Variants in PPP3R1 observed in about 807,000 individuals in gnomAD.
PPP3R1 encodes protein phosphatase 3 regulatory subunit B, alpha, also known as calcineurin subunit B type 1.
Under a neutral mutation model 22.6 loss-of-function variants are expected in PPP3R1, and 5 were observed. The observed-to-expected ratio is 0.22, with a 90% CI of 0.12 to 0.46. The LOEUF is 0.46. PPP3R1 is among the 20% of genes least tolerant of loss of function. PPP3R1 has a pLI of 0.99. For missense variants in PPP3R1, 61 were observed against 203.2 expected, an observed-to-expected ratio of 0.30 and a Z score of 4.25; for synonymous variants, 56 against 65.2, an observed-to-expected ratio of 0.86 and a Z score of 0.68.
intron 2 of PPP3R1, among the ~76,000 whole-genome samples, chr2:68,209,420 T>C: frequency 9.4e-6 from 1 of 106,856 alleles, no homozygotes; most frequent in African/African-American, 3.4e-5. Context: ...AGCAGATAAA[T>C]TAATAAATAA....
intron 2 of PPP3R1, among the ~76,000 whole-genome samples, chr2:68,198,483 A>G (rs1276027738): frequency 6.7e-6 from 1 of 148,642 alleles, no homozygotes; most frequent in Non-Finnish European, 1.5e-5. Flanking sequence ...GTATGTATAT[A>G]TATGTATATA....
intron 2 of PPP3R1, among the ~76,000 whole-genome samples, chr2:68,201,299 A>G (rs1674970569): frequency 6.6e-6 from 1 of 152,174 alleles, no homozygotes; most frequent in South Asian, 2.1e-4. Flanking sequence ...CATATTTAAG[A>G]GTCTTCTTTT....
intron 1 of PPP3R1, among the ~76,000 whole-genome samples, chr2:68,224,025 A>T (rs1236809932): frequency 6.6e-6 from 1 of 152,174 alleles, no homozygotes; most frequent in Non-Finnish European, 1.5e-5. Flanking sequence ...TTAAGAATGC[A>T]GTTCCATTTA....
intron 1 of PPP3R1, among the ~76,000 whole-genome samples, chr2:68,230,289 G>A (rs969991862): frequency 6.6e-6 from 1 of 152,046 alleles, no homozygotes; most frequent in Non-Finnish European, 1.5e-5. Context: ...CACCATGCCC[G>A]GCCTTCATTT....
At chr2:68,190,768 CCCA>C (rs1194714955) in intron 2 of PPP3R1, among the ~76,000 whole-genome samples, 1 of 152,130 alleles carries the variant, frequency 6.6e-6, no homozygotes, top group Non-Finnish European at 1.5e-5. Flanking sequence ...CCCCCTCACC[CCCA>C]CAACTATTAA....
At chr2:68,221,428 G>C (rs1249942166) in intron 1 of PPP3R1, among the ~76,000 whole-genome samples, 3 of 151,664 alleles carry the variant, frequency 2.0e-5, no homozygotes, top group Non-Finnish European at 4.4e-5. Context: ...AGCCTGATAG[G>C]TCAAGGGTGC....
chr2:68,204,814 A>T (rs904178246), intron 2 of PPP3R1, among the ~76,000 whole-genome samples: 10 of 152,224 alleles, frequency 6.6e-5, no homozygotes, highest in Non-Finnish European at 1.5e-4. Flanking sequence ...TATGTAATCC[A>T]GCTCTGAGCT....
chr2:68,233,950 A>C (rs1181372874), intron 1 of PPP3R1, among the ~76,000 whole-genome samples: 1 of 152,230 alleles, frequency 6.6e-6, no homozygotes. Flanking sequence ...TACAAAAAAA[A>C]CAGAGAAATA....
intron 1 of PPP3R1, among the ~76,000 whole-genome samples, chr2:68,238,711 G>T (rs1670063523): frequency 6.6e-6 from 1 of 152,110 alleles, no homozygotes; most frequent in Admixed American, 6.5e-5. Context: ...TATCAAAATA[G>T]CCCACCTGAG....
At chr2:68,225,025 A>G (rs1044633132) in intron 1 of PPP3R1, among the ~76,000 whole-genome samples, 2 of 152,260 alleles carry the variant, frequency 1.3e-5, no homozygotes, top group African/African-American at 4.8e-5. Context: ...AAATATGGCT[A>G]TAATTTAAAA....
intron 1 of PPP3R1, among the ~76,000 whole-genome samples, chr2:68,239,610 C>A (rs1021241115): frequency 6.6e-6 from 1 of 151,844 alleles, no homozygotes; most frequent in Non-Finnish European, 1.5e-5. Flanking sequence ...GAGAAGAGAA[C>A]GATGTGGCCT....
chr2:68,205,214 T>A (rs1041449947), intron 2 of PPP3R1, among the ~76,000 whole-genome samples: 1 of 151,518 alleles, frequency 6.6e-6, no homozygotes, highest in Admixed American at 6.6e-5. Flanking sequence ...CCCAGACATA[T>A]CATTTCCTTG....
At chr2:68,187,207 A>C (rs769673608) in intron 4 of PPP3R1, 48 bp downstream of exon 4, 1 of 1,395,342 alleles carries the variant, frequency 7.2e-7, no homozygotes, top group South Asian at 1.2e-5. Context: ...ATACAGTATG[A>C]AATGATGGTA....
intron 2 of PPP3R1, among the ~76,000 whole-genome samples, chr2:68,198,087 A>AAAAAAAAAAAAAAC (rs1674833047): frequency 7.5e-6 from 1 of 132,718 alleles, no homozygotes; most frequent in African/African-American, 2.8e-5. Flanking sequence ...AAAAAAAAAA[A>AAAAAAAAAAAAAAC]AAGCATATAT....
chr2:68,208,183 A>G (rs965523576), intron 2 of PPP3R1, among the ~76,000 whole-genome samples: 3 of 152,142 alleles, frequency 2.0e-5, no homozygotes, highest in Non-Finnish European at 4.4e-5. Context: ...TGACTTTACC[A>G]GAGACAAGTA....
intron 5 of PPP3R1, 50 bp from the exon 6 acceptor site, chr2:68,181,060 C>T (rs1674389118): frequency 6.5e-7 from 1 of 1,542,996 alleles, no homozygotes; most frequent in South Asian, 1.1e-5. Context: ...AGAAACTCCT[C>T]ATTCGTGGTC....
chr2:68,243,901 C>T (rs1004301927), intron 1 of PPP3R1, among the ~76,000 whole-genome samples: 4 of 150,618 alleles, frequency 2.7e-5, no homozygotes, highest in African/African-American at 9.8e-5. Flanking sequence ...TTGCCACAGG[C>T]GGGAAAAAAA....
chr2:68,226,167 G>C (rs1389481304), intron 1 of PPP3R1, among the ~76,000 whole-genome samples: 1 of 152,176 alleles, frequency 6.6e-6, no homozygotes, highest in East Asian at 1.9e-4. Flanking sequence ...GTGGGGTAGA[G>C]GGGGAGAACA....
At chr2:68,222,801 CCTGA>C (rs1669711115) in intron 1 of PPP3R1, among the ~76,000 whole-genome samples, 3 of 152,058 alleles carry the variant, frequency 2.0e-5, no homozygotes, top group African/African-American at 7.2e-5. Context: ...TCTGGAGAAA[CCTGA>C]CTAATACAAT....
Sources: gnomAD v4.1 joint callset for allele counts (sites outside exome capture counted in the v4.1 genomes callset) on GRCh38, gnomAD v4.1.1 for gene constraint, MANE v1.5 for transcripts, NCBI Gene and HGNC (gene_info 2026-07-23, HGNC 2026-07-21) for gene names.